The following RERG variants were observed in gnomAD, a reference collection of about 807,000 sequenced individuals.
The protein encoded by RERG is ras-related and estrogen-regulated growth inhibitor.
In RERG, 25 loss-of-function variants were observed where a neutral mutation model predicts 23.2. The observed-to-expected ratio is 1.08, with a 90% confidence interval of 0.79 to 1.50. The LOEUF (loss-of-function observed/expected upper bound fraction) is 1.50, where lower values mean the gene tolerates loss of function less well. Ranked by LOEUF, RERG falls within the 40% of genes most tolerant of loss-of-function variation. RERG has a pLI of 0.00. For synonymous variants in RERG, 81 were observed against 89.1 expected (o/e 0.91, Z 0.51); for missense variants, 253 against 250.1 (o/e 1.01, Z -0.08).
chr12:15,185,641 C>A (rs1032887215), intron 2 of RERG, among the ~76,000 whole-genome samples: 2 of 151,976 alleles, frequency 1.3e-5, no homozygotes, highest in Non-Finnish European at 2.9e-5. Context: ...AACTCCTTCC[C>A]ATATTATCAG....
intron 2 of RERG, among the ~76,000 whole-genome samples, chr12:15,157,926 T>A (rs1195840746): frequency 6.6e-6 from 1 of 152,124 alleles, no homozygotes; most frequent in African/African-American, 2.4e-5. Context: ...CTTCTCTCTA[T>A]ACATAAATAT....
In RERG at chr12:15,109,089, G is replaced by C; in HGVS notation, c.*21C>G. The stretch of plus-strand genomic sequence containing the variant: ...AGGGGAAGAGTGTTTCCAATTAGTT[G>C]GTCCACCTCAGCTGGGCTGCCTAAC... On this transcript the variant is annotated 3_prime_UTR_variant, in exon 5 of 5. Coordinates refer to ENST00000256953, the MANE Select transcript of RERG (RefSeq NM_032918.3). The C allele has an allele frequency of 6.5e-7, 1 of 1,528,352 alleles. No homozygotes were observed. The highest frequency in any genetic ancestry group is 1.4e-5 in the African/African-American group (1 of 72,180). 94.7% of individuals were successfully genotyped at this position (1,528,352 alleles called of 1,614,324 possible).
rs780183014 is a variant in RERG at position 15,109,290 on chromosome 12, C to G, written c.420G>C (p.Leu140Phe). The G allele has an allele frequency of 5.0e-6, 8 of 1,614,032 alleles. No individual in the cohort carries two copies. The highest frequency in any genetic ancestry group is 6.8e-6 in the Non-Finnish European group (8 of 1,180,022). ...TEEGEKLATELACAFYECSAC... is the reference protein window; with the variant it reads ...TEEGEKLATEFACAFYECSAC... ...CAGAGCACTCGTAAAAAGCACAAGC[C>G]AATTCTGTGGCCAGCTTCTCTCCTT... The change falls in exon 5 of 5, where the codon TTG becomes TTC. Residue 140 changes from leucine (L) to phenylalanine (F), a missense_variant. Leu to Phe is a conservative substitution (Grantham distance 22). Transcript: ENST00000256953.
At chr12:15,154,151 C>A (rs1864486086) in intron 2 of RERG, 1 of 152,140 alleles carries the variant, frequency 6.6e-6, no homozygotes, top group South Asian at 2.1e-4. Flanking sequence ...TTGTTTAAGC[C>A]CCCCAGCTTG....
rs1236102791 is a variant in RERG, at chr12:15,109,630, A to G, written c.193-113T>C. On this transcript the variant is annotated intron_variant, in intron 4 of 4. Transcript: ENST00000256953. ...ACTATTCTTTATATCCAAAGTCATT[A>G]AAATGTCGTGGTACTCTAATTGTAC... is the stretch of plus-strand genomic sequence containing the variant. The G allele has an allele frequency of 8.6e-6, 7 of 813,684 alleles. No individual in the cohort carries two copies. In the African/African-American group the frequency reaches 1.2e-4, roughly 14 times the overall value. 50.4% of individuals were successfully genotyped at this position (813,684 alleles called of 1,614,324 possible).
At chr12:15,208,516 T>C (rs1430265015) in intron 2 of RERG, among the ~76,000 whole-genome samples, 2 of 152,156 alleles carry the variant, frequency 1.3e-5, no homozygotes, top group Non-Finnish European at 2.9e-5. Context: ...TATTAAGTCC[T>C]AGTATGTGTC....
intron 2 of RERG, among the ~76,000 whole-genome samples, chr12:15,168,963 C>T (rs1345703980): frequency 6.6e-6 from 1 of 152,144 alleles, no homozygotes; most frequent in Non-Finnish European, 1.5e-5. Flanking sequence ...AGGGTATGGT[C>T]TGCTGATACA....
In RERG at chr12:15,109,013, A is replaced by T; in HGVS notation, c.*97T>A. ...AATGGGAAGCCCAGACATTTCTCAG[A>T]ATCCAAACAAAGAATGCAATATTTT... On this transcript the variant is annotated 3_prime_UTR_variant, in exon 5 of 5. Coordinates refer to ENST00000256953, the MANE Select transcript of RERG (RefSeq NM_032918.3). 6 of 1,251,164 alleles carry T rather than the reference A, an allele frequency of 4.8e-6. 1 individual carries two copies. In the Admixed American group the frequency reaches 1.4e-4, roughly 30 times the overall value. The allele number at this position is 1,251,164 out of a possible 1,614,324, so 77.5% of individuals were successfully genotyped here.
intron 2 of RERG, among the ~76,000 whole-genome samples, chr12:15,145,808 G>A (rs535811204): frequency 6.6e-6 from 1 of 152,356 alleles, no homozygotes; most frequent in African/African-American, 2.4e-5. Context: ...TGAAGTTTTA[G>A]GCTGAATTCA....
At chr12:15,189,614 T>C (rs539843679) in intron 2 of RERG, among the ~76,000 whole-genome samples, 2 of 152,326 alleles carry the variant, frequency 1.3e-5, no homozygotes, top group East Asian at 3.9e-4. Context: ...AGAATGCAAA[T>C]TTTGTTTTTA....
chr12:15,217,142 T>A, intron 2 of RERG: 1 of 320,180 alleles, frequency 3.1e-6, no homozygotes, highest in Non-Finnish European at 5.7e-6. Context: ...TTAATTTCCA[T>A]CATCTGATTT....
intron 2 of RERG, among the ~76,000 whole-genome samples, chr12:15,156,325 C>T (rs1000040979): frequency 2.6e-5 from 4 of 152,106 alleles, no homozygotes; most frequent in African/African-American, 9.7e-5. Context: ...AAATGTTTTC[C>T]CATACAAGTT....
intron 2 of RERG, among the ~76,000 whole-genome samples, chr12:15,212,227 T>A (rs7971551): frequency 0.3 from 44,189 of 145,488 alleles, 6,810 homozygotes; most frequent in Non-Finnish European, 0.32. Flanking sequence ...GCCCGGCTAA[T>A]TTTTTGTATT....
At chr12:15,131,772 T>C (rs1046978001) in intron 2 of RERG, among the ~76,000 whole-genome samples, 3 of 152,220 alleles carry the variant, frequency 2.0e-5, no homozygotes, top group Non-Finnish European at 4.4e-5. Context: ...CCTGTCCATA[T>C]GGACACATAC....
intron 2 of RERG, 76 bp downstream of exon 2, chr12:15,217,353 C>A (rs1865453680): frequency 6.2e-6 from 6 of 965,896 alleles, no homozygotes; most frequent in South Asian, 1.3e-5. Context: ...CTCACCTGCC[C>A]AATCCCAAGA....
intron 3 of RERG, among the ~76,000 whole-genome samples, chr12:15,119,785 C>A (rs983067298): frequency 2.0e-5 from 3 of 152,110 alleles, no homozygotes; most frequent in African/African-American, 7.2e-5. Flanking sequence ...AGATGTGGAT[C>A]TTCTCAAAGT....
intron 2 of RERG, among the ~76,000 whole-genome samples, chr12:15,143,365 TAATA>T (rs1224894571): frequency 5.8e-5 from 8 of 137,910 alleles, no homozygotes; most frequent in African/African-American, 1.4e-4. Context: ...TATGTACATA[TAATA>T]TATACACACA....
intron 2 of RERG, among the ~76,000 whole-genome samples, chr12:15,141,306 C>T (rs1163788152): frequency 6.6e-6 from 1 of 152,082 alleles, no homozygotes; most frequent in African/African-American, 2.4e-5. Context: ...CAGGTGCCTG[C>T]CACCACGCCC....
intron 2 of RERG, among the ~76,000 whole-genome samples, chr12:15,147,789 A>C (rs1355257472): frequency 6.6e-6 from 1 of 152,212 alleles, no homozygotes; most frequent in Non-Finnish European, 1.5e-5. Context: ...TGTTTATTTA[A>C]AATTCAAAGG....
Sources: gnomAD v4.1 joint callset for allele counts (sites outside exome capture counted in the v4.1 genomes callset) on GRCh38, gnomAD v4.1.1 for gene constraint, MANE v1.5 for transcripts, NCBI Gene and HGNC (gene_info 2026-07-23, HGNC 2026-07-21) for gene names.